The following SRGAP1 variants were observed in gnomAD, a reference collection of about 807,000 sequenced individuals.
SRGAP1 encodes SLIT-ROBO Rho GTPase activating protein 1.
Under a neutral mutation model 121.9 loss-of-function variants are expected in SRGAP1, and 43 were observed. That is an observed-to-expected ratio of 0.35 (90% CI 0.28 to 0.46). The LOEUF (loss-of-function observed/expected upper bound fraction) is 0.46. Ranked by LOEUF, SRGAP1 falls within the 20% of genes least tolerant of loss-of-function variation. SRGAP1 has a pLI of 1.00. For synonymous variants in SRGAP1, 447 were observed against 485.4 expected (o/e 0.92, Z 1.04); for missense variants, 1,102 against 1,350.9 (o/e 0.82, Z 2.89).
intron 1 of SRGAP1, among the ~76,000 whole-genome samples, chr12:63,904,109 C>A (rs2030078393): frequency 6.6e-6 from 1 of 152,106 alleles, no homozygotes; most frequent in African/African-American, 2.4e-5. Flanking sequence ...GAGATAACTC[C>A]CACCCTGAAT....
intron 3 of SRGAP1, among the ~76,000 whole-genome samples, chr12:63,990,694 A>T (rs1416900363): frequency 6.6e-6 from 1 of 152,194 alleles, no homozygotes; most frequent in Admixed American, 6.5e-5. Flanking sequence ...TGCAAATTGT[A>T]CCTCTGCCCA....
rs12370723 is a variant in SRGAP1 at position 63,954,688 on chromosome 12, A to G, written c.68-29259A>G. 3.4e-4 allele frequency among the ~76,000 whole-genome samples: 44 copies of G among 130,252 alleles called. 1 individual carries two copies. Among genetic ancestry groups the G allele is most frequent in the East Asian group, 1.3e-3 (6 of 4,494 alleles). The allele number at this position is 130,252 out of a possible 152,430, so 85.5% of individuals were successfully genotyped here. A position where few individuals can be genotyped will look rare whatever the true frequency, so the allele number is the denominator to read the frequency against. On this transcript the variant is annotated intron_variant, in intron 1 of 21. Transcript: ENST00000355086. ...GCGAGACTCCATCTCAAAAAAAAAA[A>G]AAAAGAAAAGAAAAAGCAGTGTGAG...
At chr12:63,915,616 A>G (rs929252351) in intron 1 of SRGAP1, among the ~76,000 whole-genome samples, 1 of 152,222 alleles carries the variant, frequency 6.6e-6, no homozygotes, top group Non-Finnish European at 1.5e-5. Flanking sequence ...CATAGCAACC[A>G]TCTCCAAGGA....
At chr12:63,895,692 G>A (rs781285858) in intron 1 of SRGAP1, among the ~76,000 whole-genome samples, 1 of 152,146 alleles carries the variant, frequency 6.6e-6, no homozygotes, top group Non-Finnish European at 1.5e-5. Context: ...GTAAAATGAG[G>A]TTACATCTCC....
At chr12:64,002,357 G>C (rs1316442932) in intron 3 of SRGAP1, among the ~76,000 whole-genome samples, 1 of 152,156 alleles carries the variant, frequency 6.6e-6, no homozygotes, top group African/African-American at 2.4e-5. Flanking sequence ...AAGAGGGTGG[G>C]GCAACAACCT....
In SRGAP1 at chr12:64,040,098, C is replaced by T. The variant is rs139902559; in HGVS notation, c.490-2692C>T. ...AAATAAGTAAAGGTTCTTCGTTAAC[C>T]CCATGTTTTACCCTTCAAAATAGTC... On this transcript the variant is annotated intron_variant, in intron 4 of 21. Transcript: ENST00000355086. Among the ~76,000 whole-genome samples the T allele has an allele frequency of 2.6e-5, 4 of 152,060 alleles. No individual in the cohort carries two copies. In the East Asian group the frequency reaches 5.8e-4, roughly 22 times the overall value.
chr12:63,968,452 G>A (rs1216726053), intron 1 of SRGAP1, among the ~76,000 whole-genome samples: 1 of 152,166 alleles, frequency 6.6e-6, no homozygotes, highest in African/African-American at 2.4e-5. Flanking sequence ...ATTATCTGGA[G>A]GTTGGTGGCT....
At chr12:63,865,880 T>A (rs1326352421) in intron 1 of SRGAP1, among the ~76,000 whole-genome samples, 3 of 152,014 alleles carry the variant, frequency 2.0e-5, no homozygotes, top group Non-Finnish European at 4.4e-5. Flanking sequence ...GACCATGACC[T>A]TTTTTTGGTG....
intron 4 of SRGAP1, among the ~76,000 whole-genome samples, chr12:64,023,886 A>G (rs2034601097): frequency 6.6e-6 from 1 of 152,172 alleles, no homozygotes; most frequent in Admixed American, 6.5e-5. Context: ...GATCATACAG[A>G]CAGTAAATGA....
At chr12:63,939,015 G>A (rs975289434) in intron 1 of SRGAP1, among the ~76,000 whole-genome samples, 2 of 141,156 alleles carry the variant, frequency 1.4e-5, no homozygotes, top group Non-Finnish European at 3.0e-5. Flanking sequence ...AATTAGCCAG[G>A]TGTGATGGCT....
chr12:64,154,789 G>GGAAAGA lies in SRGAP1; in HGVS notation c.*12129_*12134dup, dbSNP rs1282034136. The stretch of plus-strand genomic sequence containing the variant: ...TGATATTTAAAGCTATGGGACTCCC[G>GGAAAGA]GAAAGAGAAAGAGAAAGGAAGGTAC... On this transcript the variant is annotated 3_prime_UTR_variant, in exon 22 of 22. Transcript: ENST00000355086. 6 of 152,114 alleles carry GGAAAGA rather than the reference G, an allele frequency of 3.9e-5. No individual in the cohort carries two copies. The highest frequency in any genetic ancestry group is 2.1e-4 in the South Asian group (1 of 4,804). 9.4% of individuals were successfully genotyped at this position (152,114 alleles called of 1,614,324 possible).
intron 1 of SRGAP1, among the ~76,000 whole-genome samples, chr12:63,885,606 G>A (rs1033436298): frequency 2.0e-5 from 3 of 152,204 alleles, no homozygotes; most frequent in Admixed American, 6.5e-5. Context: ...TGGCCTCTCT[G>A]TACAGCATTC....
At chr12:64,130,001 T>C in intron 21 of SRGAP1, among the ~76,000 whole-genome samples, 1 of 152,132 alleles carries the variant, frequency 6.6e-6, no homozygotes, top group Admixed American at 6.5e-5. Flanking sequence ...GTTGTTGTTG[T>C]TGTTGTTTTC....
chr12:63,871,701 A>G, intron 1 of SRGAP1: 1 of 811,658 alleles, frequency 1.2e-6, no homozygotes, highest in East Asian at 2.5e-5. Context: ...TTGCTTCAAC[A>G]TTTTCTCTTC....
intron 1 of SRGAP1, among the ~76,000 whole-genome samples, chr12:63,911,802 A>G (rs946679230): frequency 1.3e-4 from 20 of 152,226 alleles, no homozygotes; most frequent in Admixed American, 1.0e-3. Context: ...TTCCCCTCAC[A>G]GAGGAAGTGT....
chr12:63,894,824 G>A (rs1416810939), intron 1 of SRGAP1, among the ~76,000 whole-genome samples: 1 of 152,138 alleles, frequency 6.6e-6, no homozygotes, highest in Non-Finnish European at 1.5e-5. Context: ...TGGCTGCATA[G>A]TATTCCGTGG....
intron 1 of SRGAP1, among the ~76,000 whole-genome samples, chr12:63,864,243 C>T (rs773264342): frequency 1.3e-5 from 2 of 152,096 alleles, no homozygotes; most frequent in South Asian, 4.1e-4. Context: ...CTTGGAATTA[C>T]GTTGTGAAAT....
chr12:64,104,759 G>C (rs1451653656), intron 15 of SRGAP1, among the ~76,000 whole-genome samples: 2 of 152,144 alleles, frequency 1.3e-5, no homozygotes, highest in Non-Finnish European at 2.9e-5. Context: ...GATTTGTGTT[G>C]ACTGTAGTTA....
intron 2 of SRGAP1, among the ~76,000 whole-genome samples, chr12:63,988,471 G>A (rs1025155647): frequency 1.3e-5 from 2 of 152,212 alleles, no homozygotes; most frequent in Non-Finnish European, 2.9e-5. Context: ...CCAATGGGAA[G>A]AATGGGAGGC....
Sources: gnomAD v4.1 joint callset for allele counts (sites outside exome capture counted in the v4.1 genomes callset) on GRCh38, gnomAD v4.1.1 for gene constraint, MANE v1.5 for transcripts, NCBI Gene and HGNC (gene_info 2026-07-23, HGNC 2026-07-21) for gene names.